The following UBXN7 variants were observed in gnomAD, a reference collection of about 807,000 sequenced individuals.
UBXN7 encodes UBX domain-containing protein 7.
In UBXN7, 9 loss-of-function variants were observed where a neutral mutation model predicts 58.0. The ratio of observed to expected loss-of-function variants is 0.16; its 90% confidence interval spans 0.09 to 0.27. The LOEUF is 0.27. Ranked by LOEUF, UBXN7 falls within the 10% of genes least tolerant of loss-of-function variation. The pLI is 1.00. For synonymous variants in UBXN7, 208 were observed against 205.0 expected (o/e 1.01, Z -0.12); for missense variants, 328 against 599.6 (o/e 0.55, Z 4.73).
At chr3:196,420,298 C>A (rs1373896184) in intron 1 of UBXN7, among the ~76,000 whole-genome samples, 1 of 151,974 alleles carries the variant, frequency 6.6e-6, no homozygotes, top group African/African-American at 2.4e-5. Flanking sequence ...TTTGGGAGGC[C>A]AAGGTGGGTG....
At position 196,372,300 on chromosome 3, in the gene UBXN7, T is replaced by TTCTCTCTCTCTCTCTCTCTCTCTCTC. The variant is rs144595952; in HGVS notation, c.469-284_469-259dup. Among the ~76,000 whole-genome samples, 1,178 of 133,420 alleles carry TTCTCTCTCTCTCTCTCTCTCTCTCTC rather than the reference T, an allele frequency of 8.8e-3. 26 individuals carry two copies. Among genetic ancestry groups the TTCTCTCTCTCTCTCTCTCTCTCTCTC allele is most frequent in the Non-Finnish European group, 0.013 (824 of 62,960 alleles). 87.5% of individuals were successfully genotyped at this position (133,420 alleles called of 152,430 possible). On this transcript the variant is annotated intron_variant, in intron 5 of 10. Transcript: ENST00000296328. ...TCCAGTTATTTGTTATAATAGCTGATTCTCTCTCTCTCTCTCTCTCTCTCT... is the reference window on the plus strand; with the variant it reads ...TCCAGTTATTTGTTATAATAGCTGATTCTCTCTCTCTCTCTCTCTCTCTCTCTCTCTCTCTCTCTCTCTCTCTCTCT...
chr3:196,418,050 C>G (rs1408453999), intron 1 of UBXN7, among the ~76,000 whole-genome samples: 1 of 151,928 alleles, frequency 6.6e-6, no homozygotes, highest in Non-Finnish European at 1.5e-5. Flanking sequence ...ACCAGCCTGA[C>G]CAACATGTGA....
chr3:196,383,264 C>G (rs1046295008), intron 5 of UBXN7, among the ~76,000 whole-genome samples: 1 of 152,126 alleles, frequency 6.6e-6, no homozygotes, highest in African/African-American at 2.4e-5. Context: ...AGCTAACTAT[C>G]CTAAATATAT....
In UBXN7 at chr3:196,429,103, G is replaced by A. The variant is rs531920049; in HGVS notation, c.73+3224C>T. Among the ~76,000 whole-genome samples, 13 of 152,068 alleles carry A rather than the reference G, an allele frequency of 8.5e-5. No homozygotes were observed. In the East Asian group the frequency reaches 2.3e-3, roughly 27 times the overall value. On this transcript the variant is annotated intron_variant, in intron 1 of 10. Coordinates refer to ENST00000296328, the MANE Select transcript of UBXN7 (RefSeq NM_015562.2). Reference sequence around the variant, plus strand: ...AGCACTTTGGGAGGCCGAGGCAGGCGGATCACGAGGTCAGGAGATCGAGAC... The same window carrying A: ...AGCACTTTGGGAGGCCGAGGCAGGCAGATCACGAGGTCAGGAGATCGAGAC...
In UBXN7 at chr3:196,385,342, C is replaced by T. The variant is rs887650045; in HGVS notation, c.468+6471G>A. Among the ~76,000 whole-genome samples, 12 of 152,324 alleles carry T rather than the reference C, an allele frequency of 7.9e-5. No homozygotes were observed. In the South Asian group the frequency reaches 1.0e-3, roughly 13 times the overall value. Reference sequence around the variant, plus strand: ...AGGCTGAAGTGCAGTGGCGTGATCTCGGCTCGCTACAACCTCCACCTCCCA... The same window carrying T: ...AGGCTGAAGTGCAGTGGCGTGATCTTGGCTCGCTACAACCTCCACCTCCCA... On this transcript the variant is annotated intron_variant, in intron 5 of 10. Transcript: ENST00000296328.
At chr3:196,430,929 AAG>A (rs1167606737) in intron 1 of UBXN7, among the ~76,000 whole-genome samples, 1 of 152,164 alleles carries the variant, frequency 6.6e-6, no homozygotes, top group Non-Finnish European at 1.5e-5. Context: ...CAAAAATATT[AAG>A]AGAAGTTATC....
intron 2 of UBXN7, among the ~76,000 whole-genome samples, chr3:196,404,465 C>A (rs1226014131): frequency 6.6e-6 from 1 of 151,848 alleles, no homozygotes; most frequent in Non-Finnish European, 1.5e-5. Flanking sequence ...GGTTTCACTG[C>A]GTTAGCCAGG....
intron 1 of UBXN7, among the ~76,000 whole-genome samples, chr3:196,415,104 T>A (rs2108620629): frequency 6.6e-6 from 1 of 151,874 alleles, no homozygotes; most frequent in East Asian, 1.9e-4. Context: ...AGTGTTTCCC[T>A]AATATTTGTA....
chr3:196,427,526 C>T (rs1218919752), intron 1 of UBXN7, among the ~76,000 whole-genome samples: 1 of 152,200 alleles, frequency 6.6e-6, no homozygotes, highest in Non-Finnish European at 1.5e-5. Context: ...CCAGGTTGGC[C>T]AGACTGGTCT....
In UBXN7 at chr3:196,361,237, T is replaced by C. The variant is rs559935409; in HGVS notation, c.1308+607A>G. Among the ~76,000 whole-genome samples, 8 of 152,252 alleles carry C rather than the reference T, an allele frequency of 5.3e-5. No homozygotes were observed. The South Asian group carries it at 1.7e-3, about 32-fold the overall frequency. ...GAATTAGAAGTGGAGGATGGCGATATGACTGAATTGCTGCAATCTCATGAT... is the reference window on the plus strand; with the variant it reads ...GAATTAGAAGTGGAGGATGGCGATACGACTGAATTGCTGCAATCTCATGAT... On this transcript the variant is annotated intron_variant, in intron 10 of 10. Transcript: ENST00000296328.
intron 5 of UBXN7, among the ~76,000 whole-genome samples, chr3:196,380,981 C>T (rs892676322): frequency 1.3e-5 from 2 of 152,162 alleles, no homozygotes; most frequent in African/African-American, 4.8e-5. Context: ...GGCTGGGAAG[C>T]TTGAACTGGG....
chr3:196,376,704 T>C (rs562355574), intron 5 of UBXN7, among the ~76,000 whole-genome samples: 1 of 152,164 alleles, frequency 6.6e-6, no homozygotes, highest in East Asian at 1.9e-4. Context: ...GCTAGGTGCA[T>C]GTGTAATGGG....
At chr3:196,418,312 C>CGGAAGGAT (rs1435398837) in intron 1 of UBXN7, among the ~76,000 whole-genome samples, 19 of 151,894 alleles carry the variant, frequency 1.3e-4, no homozygotes, top group African/African-American at 1.2e-4. Context: ...GACGGAATGA[C>CGGAAGGAT]GGACAGATAG....
intron 1 of UBXN7, among the ~76,000 whole-genome samples, chr3:196,416,410 G>A (rs960084658): frequency 1.1e-4 from 16 of 151,940 alleles, no homozygotes; most frequent in African/African-American, 1.5e-4. Context: ...CTGCCTGGGC[G>A]ATTGAGCAAG....
At chr3:196,381,437 A>G (rs1329666904) in intron 5 of UBXN7, among the ~76,000 whole-genome samples, 1 of 152,240 alleles carries the variant, frequency 6.6e-6, no homozygotes, top group Non-Finnish European at 1.5e-5. Context: ...AAGGAATAGC[A>G]TCTACATCAA....
At chr3:196,398,208 G>C (rs1729837970) in intron 3 of UBXN7, among the ~76,000 whole-genome samples, 1 of 152,220 alleles carries the variant, frequency 6.6e-6, no homozygotes, top group Admixed American at 6.5e-5. Context: ...CAGGCTTTGA[G>C]ATGAATGGTA....
chr3:196,384,847 C>G (rs1449329062), intron 5 of UBXN7, among the ~76,000 whole-genome samples: 1 of 152,160 alleles, frequency 6.6e-6, no homozygotes, highest in Non-Finnish European at 1.5e-5. Context: ...CAATACCATA[C>G]TGAATGGGCA....
At chr3:196,366,740 C>T (rs904477245) in intron 8 of UBXN7, among the ~76,000 whole-genome samples, 8 of 151,784 alleles carry the variant, frequency 5.3e-5, no homozygotes, top group African/African-American at 1.9e-4. Flanking sequence ...ACTTTAACAG[C>T]TTAGCTGGCA....
chr3:196,370,390 C>T (rs765403723), intron 6 of UBXN7, among the ~76,000 whole-genome samples: 27 of 150,628 alleles, frequency 1.8e-4, no homozygotes, highest in Non-Finnish European at 3.4e-4. Context: ...GGGTTAGAGC[C>T]TGCAGTGAGC....
Sources: allele counts gnomAD v4.1 joint callset (sites outside exome capture counted in the v4.1 genomes callset), GRCh38; gene constraint gnomAD v4.1.1; transcripts MANE v1.5; gene names NCBI Gene and HGNC (gene_info 2026-07-23, HGNC 2026-07-21).